Variants in GOLPH3 observed in about 807,000 individuals in gnomAD.
The protein encoded by GOLPH3 is golgi phosphoprotein 3.
GOLPH3 carries 14 observed loss-of-function variants against 28.5 expected under a neutral mutation model. The observed-to-expected ratio is 0.49, with a 90% CI of 0.32 to 0.77. The LOEUF (loss-of-function observed/expected upper bound fraction) is 0.77. Among genes scored for constraint, GOLPH3 ranks in the 30% least tolerant of loss-of-function variants. GOLPH3 has a pLI of 0.03. For missense variants in GOLPH3, 350 were observed against 393.7 expected (o/e 0.89, Z 0.94); for synonymous variants, 158 against 159.2 (o/e 0.99, Z 0.06).
intron 3 of GOLPH3, among the ~76,000 whole-genome samples, chr5:32,129,258 T>G (rs1425932527): frequency 6.6e-6 from 1 of 152,176 alleles, no homozygotes; most frequent in African/African-American, 2.4e-5. Context: ...TCTTAATCTA[T>G]TTCTCCATTT....
intron 1 of GOLPH3, among the ~76,000 whole-genome samples, chr5:32,152,176 G>C (rs1746323402): frequency 1.3e-5 from 2 of 151,246 alleles, no homozygotes; most frequent in Admixed American, 1.3e-4. Flanking sequence ...GCCCAGGCTG[G>C]AGTGCAGTGG....
At chr5:32,155,093 T>C (rs562038844) in intron 1 of GOLPH3, among the ~76,000 whole-genome samples, 2 of 18,818 alleles carry the variant, frequency 1.1e-4, no homozygotes, top group South Asian at 1.7e-3. Context: ...AGCAAGACTC[T>C]GTCTCAAAAA....
chr5:32,158,438 C>T (rs1746503447), intron 1 of GOLPH3, among the ~76,000 whole-genome samples: 1 of 152,126 alleles, frequency 6.6e-6, no homozygotes, highest in Admixed American at 6.6e-5. Flanking sequence ...AAATCTCTAA[C>T]ATGTATACTA....
chr5:32,130,553 C>A (rs75908509), intron 3 of GOLPH3, among the ~76,000 whole-genome samples: 4,954 of 152,134 alleles, frequency 0.033, 280 homozygotes, highest in African/African-American at 0.11. Flanking sequence ...CTTCCCAAGT[C>A]AAATAGGAAG....
Position 32,126,428 on chromosome 5 carries a change from A to G in GOLPH3, c.681T>C (p.Asn227=). 1 of 1,614,178 alleles carries G rather than the reference A, an allele frequency of 6.2e-7. No homozygotes were observed. The highest frequency in any genetic ancestry group is 1.1e-5 in the South Asian group (1 of 91,080). The change falls in exon 4 of 4, where the codon AAT becomes AAC. Residue 227 remains asparagine, a synonymous_variant. Transcript: ENST00000265070. ...VQEAVLDKWV[N]DPHRMDRRLL... ...AGCGCCTGTCCATGCGGTGAGGGTC[A>G]TTCACCCATTTGTCAAGAACGGCTT...
intron 1 of GOLPH3, among the ~76,000 whole-genome samples, chr5:32,152,577 T>C (rs1362316726): frequency 6.9e-6 from 1 of 144,350 alleles, no homozygotes; most frequent in Admixed American, 6.8e-5. Context: ...AGGTCAGGAG[T>C]TCGAGACCAG....
Position 32,157,502 on chromosome 5 carries a change from C to G in GOLPH3, c.226-13622G>C, listed in dbSNP as rs76429168. ...AGAGTACACTACCTTCAACTACACC[C>G]TTACTAGTTTCCTAAACACATCCAT... On this transcript the variant is annotated intron_variant, in intron 1 of 3. Coordinates refer to ENST00000265070, the MANE Select transcript of GOLPH3 (RefSeq NM_022130.4). Among the ~76,000 whole-genome samples, 749 of 152,276 alleles carry G rather than the reference C, an allele frequency of 4.9e-3. 7 individuals are homozygous for G. Among genetic ancestry groups the G allele is most frequent in the Middle Eastern group, 0.02 (6 of 294 alleles).
At chr5:32,138,246 T>TG (rs1444193417) in intron 2 of GOLPH3, among the ~76,000 whole-genome samples, 1 of 152,188 alleles carries the variant, frequency 6.6e-6, no homozygotes, top group Non-Finnish European at 1.5e-5. Flanking sequence ...CTCTTAAACT[T>TG]GTCCTCAAAG....
Position 32,158,003 on chromosome 5 carries a change from AAAT to A in GOLPH3, c.226-14126_226-14124del, listed in dbSNP as rs1561678406. On this transcript the variant is annotated intron_variant, in intron 1 of 3. Transcript: ENST00000265070. ...AAAATAAATAAATAAATAAATAAAT[AAAT>A]AAATAAATAAATAAAATACACACAC... is the stretch of plus-strand genomic sequence containing the variant. 7.7e-3 allele frequency among the ~76,000 whole-genome samples: 760 copies of A among 98,162 alleles called. 24 individuals carry two copies. Among genetic ancestry groups the A allele is most frequent in the African/African-American group, 0.029 (719 of 24,532 alleles). The allele number at this position is 98,162 out of a possible 152,430, so 64.4% of individuals were successfully genotyped here. A position where few individuals can be genotyped will look rare whatever the true frequency, so the allele number is the denominator to read the frequency against.
intron 1 of GOLPH3, among the ~76,000 whole-genome samples, chr5:32,170,064 AAG>A (rs1746796751): frequency 6.6e-6 from 1 of 152,168 alleles, no homozygotes. Flanking sequence ...TTCAGCAAAA[AAG>A]AGAGGGAGAC....
chr5:32,173,900 G>A lies in GOLPH3; in HGVS notation c.135C>T (p.Asp45=). 3 of 1,517,446 alleles carry A rather than the reference G, an allele frequency of 2.0e-6. No individual in the cohort carries two copies. The highest frequency in any genetic ancestry group is 1.2e-5 in the South Asian group (1 of 81,208). 94.0% of individuals were successfully genotyped at this position (1,517,446 alleles called of 1,614,324 possible). A position where few individuals can be genotyped will look rare whatever the true frequency, so the allele number is the denominator to read the frequency against. Residue 45 remains aspartate (D), a synonymous_variant, in exon 1 of 4, where the codon GAC becomes GAT. Coordinates refer to ENST00000265070, the MANE Select transcript of GOLPH3 (RefSeq NM_022130.4). The part of the protein sequence containing the change: ...SSEDDAQSRR[D]EQDDDDKGDS... ...CGCCCTTGTCGTCGTCGTCCTGCTC[G>A]TCGCGGCGGCTCTGCGCGTCGTCCT...
At chr5:32,139,530 C>T (rs1270792560) in intron 2 of GOLPH3, among the ~76,000 whole-genome samples, 1 of 152,230 alleles carries the variant, frequency 6.6e-6, no homozygotes, top group South Asian at 2.1e-4. Context: ...CCTCACTGAT[C>T]TTTCTAACAG....
In GOLPH3 at chr5:32,162,257, C is replaced by T. The variant is rs916261628; in HGVS notation, c.225+11553G>A. ...CCTGTAATCCCAGCACTTTGGGAGG[C>T]CAAGGTGGGCGGATCACGAGGTCAG... On this transcript the variant is annotated intron_variant, in intron 1 of 3. Transcript: ENST00000265070. Among the ~76,000 whole-genome samples the T allele has an allele frequency of 1.1e-4, 16 of 150,684 alleles. 1 individual carries two copies. The highest frequency in any genetic ancestry group is 3.7e-4 in the African/African-American group (15 of 40,292).
At chr5:32,139,886 AACT>A (rs1423809767) in intron 2 of GOLPH3, among the ~76,000 whole-genome samples, 2 of 152,178 alleles carry the variant, frequency 1.3e-5, no homozygotes, top group South Asian at 2.1e-4. Context: ...CCATAAAACA[AACT>A]ACGATTTTTA....
At chr5:32,169,735 C>G (rs422465) in intron 1 of GOLPH3, among the ~76,000 whole-genome samples, 35,964 of 152,018 alleles carry the variant, frequency 0.24, 4,787 homozygotes, top group South Asian at 0.4. Flanking sequence ...CCCCCTCAAA[C>G]ACTGGGTCAA....
intron 1 of GOLPH3, among the ~76,000 whole-genome samples, chr5:32,145,110 TTG>T (rs1341568831): frequency 1.3e-5 from 2 of 152,320 alleles, no homozygotes; most frequent in Non-Finnish European, 2.9e-5. Flanking sequence ...AGTAGTGAGC[TTG>T]TGTTTCAGAA....
At chr5:32,145,660 A>G (rs1200551884) in intron 1 of GOLPH3, among the ~76,000 whole-genome samples, 3 of 152,246 alleles carry the variant, frequency 2.0e-5, no homozygotes, top group Non-Finnish European at 4.4e-5. Flanking sequence ...TACATTTGAC[A>G]GCAGAGAACT....
chr5:32,149,990 A>G (rs1371390390), intron 1 of GOLPH3, among the ~76,000 whole-genome samples: 1 of 152,134 alleles, frequency 6.6e-6, no homozygotes, highest in East Asian at 1.9e-4. Flanking sequence ...TCTCAAGAAA[A>G]AAAAAAAAAG....
At chr5:32,159,782 T>C (rs947552641) in intron 1 of GOLPH3, among the ~76,000 whole-genome samples, 20 of 152,348 alleles carry the variant, frequency 1.3e-4, no homozygotes, top group Middle Eastern at 3.4e-3. Flanking sequence ...ATCACCTTTT[T>C]ACATTTGAAA....
Sources: allele counts gnomAD v4.1 joint callset (sites outside exome capture counted in the v4.1 genomes callset), GRCh38; gene constraint gnomAD v4.1.1; transcripts MANE v1.5; gene names NCBI Gene and HGNC (gene_info 2026-07-23, HGNC 2026-07-21).